Variants in CDH13 observed in about 807,000 individuals in gnomAD.
CDH13 encodes the protein cadherin 13.
A neutral mutation model predicts 63.8 loss-of-function variants in CDH13; 24 were observed. That is an observed-to-expected ratio of 0.38 (90% confidence interval 0.27 to 0.53). CDH13 has a LOEUF of 0.53. Ranked by LOEUF, CDH13 falls within the 20% of genes least tolerant of loss-of-function variation. The pLI is 0.85. For missense variants in CDH13, 1,049 were observed against 903.1 expected (o/e 1.16, Z -2.07); for synonymous variants, 503 against 355.3 (o/e 1.42, Z -4.67).
chr16:83,079,967 G>C (rs1365115446), intron 3 of CDH13, among the ~76,000 whole-genome samples: 1 of 152,216 alleles, frequency 6.6e-6, no homozygotes, highest in East Asian at 1.9e-4. Context: ...TCAGTAGCTA[G>C]AATGCTTTTT....
intron 8 of CDH13, among the ~76,000 whole-genome samples, chr16:83,616,808 T>G (rs545404108): frequency 6.6e-6 from 1 of 152,180 alleles, no homozygotes; most frequent in Non-Finnish European, 1.5e-5. Context: ...ATGGGTCTGA[T>G]GCATACATGG....
intron 1 of CDH13, among the ~76,000 whole-genome samples, chr16:82,682,393 A>G (rs990602617): frequency 1.3e-5 from 2 of 152,182 alleles, no homozygotes; most frequent in East Asian, 1.9e-4. Context: ...TGGCATGATG[A>G]GAAACAGAGG....
At chr16:83,325,985 G>A (rs1023563269) in intron 5 of CDH13, among the ~76,000 whole-genome samples, 1 of 152,114 alleles carries the variant, frequency 6.6e-6, no homozygotes, top group Non-Finnish European at 1.5e-5. Flanking sequence ...GAGAAAAAAG[G>A]TGACATGAAC....
At chr16:83,153,388 C>G (rs1278269110) in intron 4 of CDH13, among the ~76,000 whole-genome samples, 1 of 152,020 alleles carries the variant, frequency 6.6e-6, no homozygotes, top group African/African-American at 2.4e-5. Context: ...ACCTTAGGAG[C>G]AGTTTAGGGA....
At chr16:83,670,750 T>G (rs1914429422) in intron 8 of CDH13, 40 bp from the exon 9 acceptor site, 1 of 1,593,686 alleles carries the variant, frequency 6.3e-7, no homozygotes. Flanking sequence ...TGACTATGTG[T>G]TTTCAAAATA....
intron 5 of CDH13, among the ~76,000 whole-genome samples, chr16:83,289,116 G>C (rs779913545): frequency 7.9e-5 from 12 of 152,148 alleles, no homozygotes; most frequent in Non-Finnish European, 1.8e-4. Flanking sequence ...CTTGCTCCTG[G>C]CCTACAAGAA....
At chr16:83,038,533 T>C (rs1228197545) in intron 3 of CDH13, among the ~76,000 whole-genome samples, 2 of 152,170 alleles carry the variant, frequency 1.3e-5, no homozygotes, top group Non-Finnish European at 2.9e-5. Context: ...TGGAAGGTCA[T>C]GATGAACTTG....
intron 8 of CDH13, among the ~76,000 whole-genome samples, chr16:83,606,849 A>G (rs1157880912): frequency 2.0e-5 from 3 of 152,108 alleles, no homozygotes; most frequent in Non-Finnish European, 2.9e-5. Context: ...TTGTGGTACA[A>G]TAGGGTCACT....
intron 1 of CDH13, among the ~76,000 whole-genome samples, chr16:82,808,041 A>C (rs1358803637): frequency 1.3e-5 from 2 of 152,144 alleles, no homozygotes; most frequent in Non-Finnish European, 2.9e-5. Context: ...GCAAGGGGCA[A>C]AATGGGGAGG....
chr16:83,019,734 G>A (rs1246219930), intron 2 of CDH13, among the ~76,000 whole-genome samples: 4 of 149,792 alleles, frequency 2.7e-5, no homozygotes, highest in Non-Finnish European at 4.4e-5. Context: ...GGGCTCAAGC[G>A]ATCTGCCTAC....
intron 1 of CDH13, among the ~76,000 whole-genome samples, chr16:82,744,801 G>A (rs1041485657): frequency 2.0e-5 from 3 of 152,142 alleles, no homozygotes; most frequent in Admixed American, 2.0e-4. Context: ...CTACATATGA[G>A]GAAACTGAGG....
At chr16:83,482,490 C>T (rs1270800422) in intron 6 of CDH13, among the ~76,000 whole-genome samples, 1 of 152,210 alleles carries the variant, frequency 6.6e-6, no homozygotes, top group Admixed American at 6.5e-5. Context: ...GTGTTTGCCA[C>T]GTATTTCCCA....
At chr16:83,103,624 A>C (rs944810767) in intron 3 of CDH13, among the ~76,000 whole-genome samples, 1 of 152,166 alleles carries the variant, frequency 6.6e-6, no homozygotes. Context: ...CTCTGAGCGG[A>C]ATGGCCTGTG....
At chr16:83,539,560 CAGG>C (rs1231331704) in intron 7 of CDH13, among the ~76,000 whole-genome samples, 1 of 152,152 alleles carries the variant, frequency 6.6e-6, no homozygotes. Context: ...GAAAATCTGA[CAGG>C]AGAAGGCACA....
chr16:83,386,215 C>T (rs1042510623), intron 6 of CDH13, among the ~76,000 whole-genome samples: 1 of 152,180 alleles, frequency 6.6e-6, no homozygotes, highest in African/African-American at 2.4e-5. Context: ...CAAGAATTAA[C>T]CAGCCCAGAG....
intron 2 of CDH13, among the ~76,000 whole-genome samples, chr16:82,963,503 C>T (rs1394051788): frequency 2.0e-5 from 3 of 152,174 alleles, no homozygotes; most frequent in East Asian, 1.9e-4. Context: ...TCACACACTC[C>T]CCTCTAACTC....
chr16:82,818,215 T>A (rs909659003), intron 1 of CDH13, among the ~76,000 whole-genome samples: 1 of 152,102 alleles, frequency 6.6e-6, no homozygotes, highest in East Asian at 1.9e-4. Flanking sequence ...TGCTCTGCAT[T>A]TGCTGCCATT....
At chr16:83,235,691 A>G (rs1456210004) in intron 5 of CDH13, among the ~76,000 whole-genome samples, 2 of 151,446 alleles carry the variant, frequency 1.3e-5, no homozygotes, top group Non-Finnish European at 2.9e-5. Flanking sequence ...GATCTAGGTA[A>G]TTTACTGCAA....
chr16:83,655,587 A>G (rs75330481), intron 8 of CDH13, among the ~76,000 whole-genome samples: 11,422 of 152,260 alleles, frequency 0.075, 695 homozygotes, highest in African/African-American at 0.17. Flanking sequence ...AAAGGCAGAG[A>G]TGGGCAGATC....
Sources: gnomAD v4.1 joint callset for allele counts (sites outside exome capture counted in the v4.1 genomes callset) on GRCh38, gnomAD v4.1.1 for gene constraint, MANE v1.5 for transcripts, NCBI Gene and HGNC (gene_info 2026-07-23, HGNC 2026-07-21) for gene names.